Variants in MAGED2 observed in about 807,000 individuals in gnomAD.
MAGED2 encodes the protein melanoma-associated antigen D2.
A neutral mutation model predicts 41.7 loss-of-function variants in MAGED2; 6 were observed. The ratio of observed to expected loss-of-function variants is 0.14; its 90% confidence interval spans 0.08 to 0.28. The LOEUF is 0.28. Ranked by LOEUF, MAGED2 falls within the 10% of genes least tolerant of loss-of-function variation. MAGED2 has a pLI of 1.00. For synonymous variants in MAGED2, 146 were observed against 178.2 expected (o/e 0.82, Z 1.44); for missense variants, 343 against 486.4 (o/e 0.71, Z 2.77).
chrX:54,811,015 C>T lies in MAGED2; in HGVS notation c.732C>T (p.Ser244=), dbSNP rs1929784603. 3.3e-6 allele frequency: 4 copies of T among 1,197,848 alleles called. No homozygotes were observed. Among genetic ancestry groups the T allele is most frequent in the Non-Finnish European group, 4.5e-6 (4 of 888,629 alleles). ...LAAWARRALL[S]LRSPKARRGK... ...CTTGGGCCCGGAGAGCCTTGCTCTCCCTGAGATCACCTAAAGCCCGTAGGG... is the reference window on the plus strand; with the variant it reads ...CTTGGGCCCGGAGAGCCTTGCTCTCTCTGAGATCACCTAAAGCCCGTAGGG... Residue 244 remains serine, a synonymous_variant, in exon 4 of 13, where the codon TCC becomes TCT. Transcript: ENST00000375068.
chrX:54,811,358 A>T lies in MAGED2; in HGVS notation c.910+45A>T, dbSNP rs774247830. 3.6e-6 allele frequency: 4 copies of T among 1,112,649 alleles called. No individual in the cohort carries two copies. In the Admixed American group the frequency reaches 8.7e-5, roughly 24 times the overall value. The allele number at this position is 1,112,649 out of a possible 1,213,427, so 91.7% of individuals were successfully genotyped here. On this transcript the variant is annotated intron_variant, in intron 5 of 12. Transcript: ENST00000375068. ...CCCTCTGCCCTGAGCTCTGCCCTCC[A>T]TTGCCCTTACACCATTGTGCTGGGG...
At position 54,811,059 on chromosome X, in the gene MAGED2, C is replaced by T. The variant is rs1569544611; in HGVS notation, c.776C>T (p.Ala259Val). 1 of 1,199,959 alleles carries T rather than the reference C, an allele frequency of 8.3e-7. No homozygotes were observed. Among genetic ancestry groups the T allele is most frequent in the East Asian group, 3.0e-5 (1 of 33,490 alleles). The change falls in exon 4 of 13, where the codon GCT becomes GTT. Residue 259 changes from alanine to valine, a missense_variant. By Grantham distance (64) the Ala-to-Val change is moderately conservative. Around this residue, in one of 3 missense-constraint regions of MAGED2, gnomAD observed 195 missense variants for 221.2 expected, o/e 0.88. Transcript: ENST00000375068. ...KARRGKARRR[A>V]AKLQSSQEPE... ...CGTAGGGGCAAGGCTCGCCGTAGAG[C>T]TGCCAAGCTCCAGTCATCCCAAGAG...
chrX:54,809,125 G>A (rs1436262120), intron 1 of MAGED2, 178 bp from the exon 2 acceptor site: 2 of 432,982 alleles, frequency 4.6e-6, no homozygotes, highest in Non-Finnish European at 8.2e-6. Flanking sequence ...GGGAGGGTGC[G>A]GCTGCAGAGA....
rs752150960 is a variant in MAGED2 at position 54,811,035 on chromosome X, G to A, written c.752G>A (p.Arg251His). Residue 251 changes from arginine to histidine, a missense_variant, in exon 4 of 13, where the codon CGT becomes CAT. Around this residue, in one of 3 missense-constraint regions of MAGED2, gnomAD observed 195 missense variants for 221.2 expected, o/e 0.88. Coordinates refer to ENST00000375068, the MANE Select transcript of MAGED2 (RefSeq NM_177433.3). ...ALLSLRSPKA[R>H]RGKARRRAAK... is the part of the protein sequence containing the mutation. ...CTCTCCCTGAGATCACCTAAAGCCC[G>A]TAGGGGCAAGGCTCGCCGTAGAGCT... 8 of 1,199,953 alleles carry A rather than the reference G, an allele frequency of 6.7e-6. No homozygotes were observed. In the Admixed American group the frequency reaches 9.0e-5, roughly 13 times the overall value.
At chrX:54,807,832 G>A (rs1212814763) in intron 1 of MAGED2, 30 bp downstream of exon 1, 1 of 113,246 alleles carries the variant, frequency 8.8e-6, no homozygotes, top group Non-Finnish European at 1.9e-5. Context: ...GGGTTTTATG[G>A]AGGTCAGACA....
intron 10 of MAGED2, chrX:54,814,251 G>A (rs1929895021): frequency 9.5e-6 from 3 of 314,284 alleles, no homozygotes; most frequent in Non-Finnish European, 1.8e-5. Flanking sequence ...CAAAGGGTCA[G>A]GAATTCAGCA....
chrX:54,811,499 A>C (rs1929802034), intron 5 of MAGED2, 75 bp from the exon 6 acceptor site: 1 of 957,734 alleles, frequency 1.0e-6, no homozygotes, highest in African/African-American at 1.9e-5. Flanking sequence ...GTGGTTGGCA[A>C]AGAGTCTATA....
chrX:54,814,916 C>T lies in MAGED2; in HGVS notation c.1386+141C>T. The T allele has an allele frequency of 1.3e-5, 6 of 475,582 alleles. No homozygotes were observed. The South Asian group carries it at 2.0e-4, about 16-fold the overall frequency. The allele number at this position is 475,582 out of a possible 1,213,427, so 39.2% of individuals were successfully genotyped here. A position where few individuals can be genotyped will look rare whatever the true frequency, so the allele number is the denominator to read the frequency against. On this transcript the variant is annotated intron_variant, in intron 11 of 12. Transcript: ENST00000375068. ...AATTGTCAAAACACTGTAACAGGCA[C>T]TTTATCTGAATCATTTAAGCCTTAC...
Position 54,811,223 on chromosome X carries a change from T to C in MAGED2, c.847-27T>C, listed in dbSNP as rs1929793018. On this transcript the variant is annotated intron_variant, in intron 4 of 12. Coordinates refer to ENST00000375068, the MANE Select transcript of MAGED2 (RefSeq NM_177433.3). ...CAAGTTTTCTGCAAACTTGTTTTGGTCTTTCCATCTTTTTCTACTCTGCCA... is the reference window on the plus strand; with the variant it reads ...CAAGTTTTCTGCAAACTTGTTTTGGCCTTTCCATCTTTTTCTACTCTGCCA... 2.5e-6 allele frequency: 3 copies of C among 1,206,558 alleles called. No individual in the cohort carries two copies. In the East Asian group the frequency reaches 8.9e-5, roughly 36 times the overall value.
intron 1 of MAGED2, chrX:54,809,016 C>G (rs181676712): frequency 5.8e-6 from 2 of 345,212 alleles, no homozygotes; most frequent in African/African-American, 2.6e-5. Flanking sequence ...CTGCAGCCGA[C>G]GCGCATGCGC....
Position 54,810,083 on chromosome X carries a change from C to G in MAGED2, c.407C>G (p.Thr136Arg). ...CATGTGGCTGATACAAAGGTCAATA[C>G]AAAGGCTCAGGAGACTGAGGCTGCA... The part of the protein sequence containing the change: ...VSHVADTKVN[T>R]KAQETEAAPS... Residue 136 changes from threonine to arginine, a missense_variant, in exon 3 of 13, where the codon ACA (threonine) becomes AGA (arginine). Thr to Arg is a moderately conservative substitution (Grantham distance 71, BLOSUM62 -1). Around this residue, in one of 3 missense-constraint regions of MAGED2, gnomAD observed 195 missense variants for 221.2 expected, o/e 0.88. Coordinates refer to ENST00000375068, the MANE Select transcript of MAGED2 (RefSeq NM_177433.3). 1.7e-6 allele frequency: 2 copies of G among 1,208,552 alleles called. No homozygotes were observed. The highest frequency in any genetic ancestry group is 5.9e-5 in the East Asian group (2 of 33,781).
rs375727148 is a variant in MAGED2, at chrX:54,811,328, A to G, written c.910+15A>G. ...CAAGCGCTCGGGTAAAGTCCTACCAATCCTCCCTCTGCCCTGAGCTCTGCC... is the reference window on the plus strand; with the variant it reads ...CAAGCGCTCGGGTAAAGTCCTACCAGTCCTCCCTCTGCCCTGAGCTCTGCC... On this transcript the variant is annotated intron_variant, in intron 5 of 12. Coordinates refer to ENST00000375068, the MANE Select transcript of MAGED2 (RefSeq NM_177433.3). The G allele has an allele frequency of 2.3e-5, 27 of 1,197,452 alleles. No individual in the cohort carries two copies. The African/African-American group carries it at 4.0e-4, about 18-fold the overall frequency.
rs875989852 is a variant in MAGED2 at position 54,810,073 on chromosome X, A to G, written c.397A>G (p.Lys133Glu). The change falls in exon 3 of 13, where the codon AAG becomes GAG. Residue 133 changes from lysine to glutamate, a missense_variant. Around this residue, in one of 3 missense-constraint regions of MAGED2, gnomAD observed 195 missense variants for 221.2 expected, o/e 0.88. Coordinates refer to ENST00000375068, the MANE Select transcript of MAGED2 (RefSeq NM_177433.3). ...AAAGGTCAGCCATGTGGCTGATACA[A>G]AGGTCAATACAAAGGCTCAGGAGAC... ...TKKVSHVADT[K>E]VNTKAQETEA... The G allele has an allele frequency of 1.7e-6, 2 of 1,208,788 alleles. No individual in the cohort carries two copies. Among genetic ancestry groups the G allele is most frequent in the East Asian group, 3.0e-5 (1 of 33,790 alleles).
At chrX:54,808,655 C>CTGTT (rs1929691805) in intron 1 of MAGED2, among the ~76,000 whole-genome samples, 2 of 107,359 alleles carry the variant, frequency 1.9e-5, no homozygotes, top group African/African-American at 6.9e-5. Context: ...CAAGATGCGC[C>CTGTT]TGTTTGGAGG....
Position 54,809,969 on chromosome X carries a change from A to G in MAGED2, c.293A>G (p.Glu98Gly). 4 of 1,205,681 alleles carry G rather than the reference A, an allele frequency of 3.3e-6. No individual in the cohort carries two copies. Among genetic ancestry groups the G allele is most frequent in the Non-Finnish European group, 4.5e-6 (4 of 892,068 alleles). ...ACTGATACCCAGGTTCTGGCAGCTG[A>G]AAACAAGAGTCTAGCAGCTGACACC... ...QLTDTQVLAA[E>G]NKSLAADTKK... Residue 98 changes from glutamate to glycine, a missense_variant, in exon 3 of 13, where the codon GAA (glutamate) becomes GGA (glycine). This residue lies in a region of MAGED2 where 195 missense variants were observed against 221.2 expected (regional missense o/e 0.88). Transcript: ENST00000375068.
intron 1 of MAGED2, 85 bp from the exon 2 acceptor site, chrX:54,809,218 C>T (rs888741866): frequency 1.5e-5 from 10 of 685,998 alleles, no homozygotes; most frequent in Non-Finnish European, 2.3e-5. Context: ...TGGGGACCTA[C>T]GGAAGGTGAG....
chrX:54,810,234 A>G, intron 3 of MAGED2, 21 bp downstream of exon 3: 5 of 1,011,423 alleles, frequency 4.9e-6, no homozygotes, highest in Non-Finnish European at 6.6e-6. Context: ...TGCAGTCACC[A>G]CCCTTGGTTT....
intron 11 of MAGED2, 76 bp downstream of exon 11, chrX:54,814,851 C>T (rs1198015872): frequency 5.7e-5 from 40 of 700,064 alleles, no homozygotes; most frequent in Non-Finnish European, 8.1e-5. Flanking sequence ...GTGTGCAGAG[C>T]AGCCTGCAGT....
chrX:54,809,464 T>A (rs1302121922), intron 2 of MAGED2, 88 bp downstream of exon 2: 2 of 964,396 alleles, frequency 2.1e-6, no homozygotes, highest in Admixed American at 2.2e-5. Flanking sequence ...TCCCCTCCCA[T>A]CCTTGTCCTT....
Sources: gnomAD v4.1 joint callset for allele counts (sites outside exome capture counted in the v4.1 genomes callset) on GRCh38, gnomAD v4.1.1 for gene constraint, gnomAD v4.1.1 regional missense constraint, MANE v1.5 for transcripts, NCBI Gene and HGNC (gene_info 2026-07-23, HGNC 2026-07-21) for gene names.